The following ANKRD36B variants were observed in gnomAD, a reference collection of about 807,000 sequenced individuals.
ANKRD36B encodes ankyrin repeat domain 36B.
Under a neutral mutation model 135.7 loss-of-function variants are expected in ANKRD36B, and 37 were observed. That is an observed-to-expected ratio of 0.27 (90% confidence interval 0.21 to 0.36). The LOEUF is 0.36. Among genes scored for constraint, ANKRD36B ranks in the 10% least tolerant of loss-of-function variants. The pLI, the probability that ANKRD36B is intolerant of heterozygous loss-of-function variation, is 1.00. For synonymous variants in ANKRD36B, 179 were observed against 348.1 expected, an observed-to-expected ratio of 0.51 and a Z score of 5.41; for missense variants, 549 against 1,037.1, an observed-to-expected ratio of 0.53 and a Z score of 6.46.
Position 97,545,491 on chromosome 2 carries a change from G to T in ANKRD36B, c.1681+175C>A, listed in dbSNP as rs370558316. On this transcript the variant is annotated intron_variant, in intron 24 of 43. Coordinates refer to ENST00000359901, the MANE Select transcript of ANKRD36B (RefSeq NM_001393939.1). ...GACATCTAAAATCTTAGTACTTTCA[G>T]CATGGACAAGGACCACAGCATCAGG... Among the ~76,000 whole-genome samples the T allele has an allele frequency of 5.2e-5, 5 of 95,332 alleles. 2 individuals are homozygous for T. The East Asian group carries it at 1.2e-3, about 22-fold the overall frequency. The allele number at this position is 95,332 out of a possible 152,430, so 62.5% of individuals were successfully genotyped here.
chr2:97,544,833 T>C (rs1472212480), intron 24 of ANKRD36B, among the ~76,000 whole-genome samples: 1 of 96,720 alleles, frequency 1.0e-5, no homozygotes, highest in African/African-American at 3.1e-5. Context: ...TTCTAAAAAG[T>C]CTTTTTTGGA....
At position 97,551,310 on chromosome 2, in the gene ANKRD36B, C is replaced by T. The variant is rs1178045091; in HGVS notation, c.1354G>A (p.Asp452Asn). Residue 452 changes from aspartate (D) to asparagine (N), a missense_variant, in exon 18 of 44, where the codon GAT (aspartate) becomes AAT (asparagine). Coordinates refer to ENST00000359901, the MANE Select transcript of ANKRD36B (RefSeq NM_001393939.1). ...SFSNITREKKDGEISRTVSSQ... is the reference protein window; with the variant it reads ...SFSNITREKKNGEISRTVSSQ... ...TTACCTGTCCTAGATATTTCTCCATCCTTTTTTTCTCTGGTTATATTCGAA... is the reference window on the plus strand; with the variant it reads ...TTACCTGTCCTAGATATTTCTCCATTCTTTTTTTCTCTGGTTATATTCGAA... 10 of 1,571,186 alleles carry T rather than the reference C, an allele frequency of 6.4e-6. No individual in the cohort carries two copies. Among genetic ancestry groups the T allele is most frequent in the Non-Finnish European group, 8.6e-6 (10 of 1,161,478 alleles).
intron 6 of ANKRD36B, among the ~76,000 whole-genome samples, chr2:97,562,155 T>C (rs1351704973): frequency 1.3e-5 from 2 of 151,884 alleles, no homozygotes; most frequent in African/African-American, 4.8e-5. Flanking sequence ...AAATACTGTG[T>C]AATCAGATTC....
chr2:97,553,756 C>T (rs1349800014), intron 14 of ANKRD36B, among the ~76,000 whole-genome samples: 1 of 151,836 alleles, frequency 6.6e-6, no homozygotes, highest in Non-Finnish European at 1.5e-5. Flanking sequence ...TGCAAGATAT[C>T]CAAATGATTT....
Position 97,536,454 on chromosome 2 carries a change from G to T in ANKRD36B, c.2118+14C>A, listed in dbSNP as rs1222621320. On this transcript the variant is annotated intron_variant, in intron 33 of 43. Transcript: ENST00000359901. ...GCAGTTAATAATTAAAAATATAAAT[G>T]TAAGAGTAATTACCTTCAAGGTGCG... is the stretch of plus-strand genomic sequence containing the variant. 2 of 895,226 alleles carry T rather than the reference G, an allele frequency of 2.2e-6. No individual in the cohort carries two copies. The highest frequency in any genetic ancestry group is 2.6e-5 in the South Asian group (2 of 78,114). The allele number at this position is 895,226 out of a possible 1,614,324, so 55.5% of individuals were successfully genotyped here.
chr2:97,533,420 G>A lies in ANKRD36B; in HGVS notation c.2192-1036C>T, dbSNP rs187993298. Among the ~76,000 whole-genome samples, 120 of 96,694 alleles carry A rather than the reference G, an allele frequency of 1.2e-3. 34 individuals carry two copies. The highest frequency in any genetic ancestry group is 3.6e-3 in the African/African-American group (116 of 32,260). The allele number at this position is 96,694 out of a possible 152,430, so 63.4% of individuals were successfully genotyped here. A position where few individuals can be genotyped will look rare whatever the true frequency, so the allele number is the denominator to read the frequency against. ...TGATCCTAAGACAGTAAGTGTCAAAGCTGATGGGAGGATGCTATGGCCTAT... is the reference window on the plus strand; with the variant it reads ...TGATCCTAAGACAGTAAGTGTCAAAACTGATGGGAGGATGCTATGGCCTAT... On this transcript the variant is annotated intron_variant, in intron 34 of 43. Transcript: ENST00000359901.
intron 35 of ANKRD36B, among the ~76,000 whole-genome samples, chr2:97,527,243 C>T (rs2078266583): frequency 1.1e-5 from 1 of 94,994 alleles, no homozygotes; most frequent in South Asian, 2.4e-4. Flanking sequence ...GAGTGGGGGC[C>T]AATATTCAAC....
At chr2:97,567,448 C>T (rs1427508451) in intron 6 of ANKRD36B, among the ~76,000 whole-genome samples, 1 of 151,774 alleles carries the variant, frequency 6.6e-6, no homozygotes, top group East Asian at 1.9e-4. Flanking sequence ...ATGATGAGCC[C>T]CACCCTGAAG....
chr2:97,551,591 GT>G, intron 16 of ANKRD36B, 111 bp from the exon 17 acceptor site: 1 of 1,528,086 alleles, frequency 6.5e-7, no homozygotes, highest in Non-Finnish European at 9.0e-7. Context: ...ATTAGCGTAG[GT>G]TTTGATGGCT....
intron 6 of ANKRD36B, among the ~76,000 whole-genome samples, chr2:97,574,312 AG>A (rs1211886542): frequency 1.3e-5 from 2 of 152,252 alleles, no homozygotes; most frequent in Non-Finnish European, 2.9e-5. Context: ...TGGCCATCAG[AG>A]AAATGCAAAT....
In ANKRD36B at chr2:97,558,821, CTTTA is replaced by C; in HGVS notation, c.941_944del (p.Ile314ArgfsTer28). 6.2e-7 allele frequency: 1 copy of C among 1,611,552 alleles called. No individual in the cohort carries two copies. Among genetic ancestry groups the C allele is most frequent in the East Asian group, 2.2e-5 (1 of 44,814 alleles). ...TACCTGTCCCAGATTGTTGTCCCTC[CTTTA>C]TTTCTGTGGCTATATTTGAAACAGA... On this transcript the variant is annotated frameshift_variant, in exon 10 of 44. Transcript: ENST00000359901. LOFTEE classifies it high-confidence loss of function.
At chr2:97,556,435 G>T (rs12990187) in intron 12 of ANKRD36B, among the ~76,000 whole-genome samples, 84,375 of 151,344 alleles carry the variant, frequency 0.56, 25,133 homozygotes, top group Non-Finnish European at 0.67. Flanking sequence ...CAAAATTACA[G>T]AAATAACTTC....
At chr2:97,555,180 G>A (rs1559178041) in intron 13 of ANKRD36B, 46 bp downstream of exon 13, 1 of 1,610,920 alleles carries the variant, frequency 6.2e-7, no homozygotes, top group Middle Eastern at 1.7e-4. Flanking sequence ...TATGTTTCAT[G>A]GACTATACAG....
rs2078995665 is a variant in ANKRD36B, at chr2:97,538,392, T to C, written c.1988-29A>G. ...AAAAGTAAAAGAAATATATAATCCA[T>C]CATATGTAAATATGATAAAGTTATC... On this transcript the variant is annotated intron_variant, in intron 30 of 43. Coordinates refer to ENST00000359901, the MANE Select transcript of ANKRD36B (RefSeq NM_001393939.1). 3.3e-6 allele frequency: 3 copies of C among 901,656 alleles called. 1 individual carries two copies. In the Admixed American group the frequency reaches 7.7e-5, roughly 23 times the overall value. The allele number at this position is 901,656 out of a possible 1,614,324, so 55.9% of individuals were successfully genotyped here. A position where few individuals can be genotyped will look rare whatever the true frequency, so the allele number is the denominator to read the frequency against.
At chr2:97,574,104 C>G (rs1186230015) in intron 6 of ANKRD36B, among the ~76,000 whole-genome samples, 1 of 152,086 alleles carries the variant, frequency 6.6e-6, no homozygotes, top group East Asian at 1.9e-4. Context: ...AACAGGCAAC[C>G]TACGGAATGG....
At position 97,578,915 on chromosome 2, in the gene ANKRD36B, T is replaced by C; in HGVS notation, c.686A>G (p.Glu229Gly). ...KLAEDYASEA[E>G]NRVIFDLIYE... Reference sequence around the variant, plus strand: ...TTACGTAAAGACTTACACTCTATTCTCAGCCTCACTGGCATAATCTTCTGC... The same window carrying C: ...TTACGTAAAGACTTACACTCTATTCCCAGCCTCACTGGCATAATCTTCTGC... Residue 229 changes from glutamate to glycine, a missense_variant, in exon 5 of 44, where the codon GAG (glutamate) becomes GGG (glycine). Coordinates refer to ENST00000359901, the MANE Select transcript of ANKRD36B (RefSeq NM_001393939.1). The C allele has an allele frequency of 6.2e-7, 1 of 1,612,868 alleles. No individual in the cohort carries two copies.
At chr2:97,502,301 C>A (rs1466563285) in intron 43 of ANKRD36B, among the ~76,000 whole-genome samples, 2 of 96,494 alleles carry the variant, frequency 2.1e-5, no homozygotes, top group African/African-American at 5.6e-5. Context: ...CTAAAATAGA[C>A]AAAATAATCT....
intron 10 of ANKRD36B, among the ~76,000 whole-genome samples, chr2:97,558,566 T>C (rs957461826): frequency 1.3e-4 from 20 of 152,066 alleles, no homozygotes; most frequent in Non-Finnish European, 2.8e-4. Flanking sequence ...CTTATGTCTT[T>C]AATGGCTCTC....
At chr2:97,570,772 A>T (rs1312719607) in intron 6 of ANKRD36B, among the ~76,000 whole-genome samples, 1 of 152,222 alleles carries the variant, frequency 6.6e-6, no homozygotes, top group Non-Finnish European at 1.5e-5. Context: ...TTTCACTGTA[A>T]CAAATCAAAG....
Sources: gnomAD v4.1 joint callset for allele counts (sites outside exome capture counted in the v4.1 genomes callset) on GRCh38, gnomAD v4.1.1 for gene constraint, MANE v1.5 for transcripts, NCBI Gene and HGNC (gene_info 2026-07-23, HGNC 2026-07-21) for gene names.